The following AVL9 variants were observed in gnomAD, a reference collection of about 807,000 sequenced individuals.
The protein encoded by AVL9 is AVL9 cell migration associated, also known as late secretory pathway protein AVL9 homolog.
A neutral mutation model predicts 79.2 loss-of-function variants in AVL9; 49 were observed. The ratio of observed to expected loss-of-function variants is 0.62; its 90% confidence interval spans 0.49 to 0.79. The LOEUF is 0.79. AVL9 is among the 30% of genes least tolerant of loss of function. The probability of loss-of-function intolerance (pLI) is 0.00; values close to 1 mark genes in which losing one functional copy is unlikely to be tolerated. For synonymous variants in AVL9, 299 were observed against 280.6 expected, an observed-to-expected ratio of 1.07 and a Z score of -0.65; for missense variants, 682 against 776.8, an observed-to-expected ratio of 0.88 and a Z score of 1.45.
In AVL9 at chr7:32,502,515, A is replaced by T. The variant is rs142436187; in HGVS notation, c.93+6713A>T. 7.2e-3 allele frequency among the ~76,000 whole-genome samples: 1,098 copies of T among 152,144 alleles called. 10 individuals are homozygous for T. Among genetic ancestry groups the T allele is most frequent in the South Asian group, 0.019 (91 of 4,820 alleles). ...TTAGTAAATAATTGAATTATATTTT[A>T]AAATTGCTAAATAGTATTTTGTAGA... is the stretch of plus-strand genomic sequence containing the variant. On this transcript the variant is annotated intron_variant, in intron 1 of 15. Transcript: ENST00000318709.
At chr7:32,530,916 A>G (rs1024203564) in intron 1 of AVL9, among the ~76,000 whole-genome samples, 8 of 152,184 alleles carry the variant, frequency 5.3e-5, no homozygotes, top group Admixed American at 4.6e-4. Context: ...AGATCATGCC[A>G]CTGCACTCCA....
rs70992731 is a variant in AVL9, at chr7:32,566,180, A to ATCTTTTTTTTTTTTTTTTTTTTTTTTTTT, written c.1216-3839_1216-3838insCTTTTTTTTTTTTTTTTTTTTTTTTTTTT. On this transcript the variant is annotated intron_variant, in intron 10 of 15. Transcript: ENST00000318709. ...TAAAAAAATTTTAATTATTATTATT[A>ATCTTTTTTTTTTTTTTTTTTTTTTTTTTT]TTTTTTTTTTTTGGAGACAAGGTCT... Among the ~76,000 whole-genome samples, 9 of 93,878 alleles carry ATCTTTTTTTTTTTTTTTTTTTTTTTTTTT rather than the reference A, an allele frequency of 9.6e-5. 3 individuals carry two copies. Among genetic ancestry groups the ATCTTTTTTTTTTTTTTTTTTTTTTTTTTT allele is most frequent in the African/African-American group, 1.2e-4 (3 of 24,064 alleles). 61.6% of individuals were successfully genotyped at this position (93,878 alleles called of 152,430 possible).
At chr7:32,555,114 G>A (rs953234762) in intron 8 of AVL9, among the ~76,000 whole-genome samples, 9 of 152,174 alleles carry the variant, frequency 5.9e-5, no homozygotes, top group African/African-American at 2.2e-4. Context: ...TGAAGCAGGA[G>A]GATCACTTGC....
intron 1 of AVL9, among the ~76,000 whole-genome samples, chr7:32,539,586 G>T (rs145564449): frequency 1.1e-4 from 17 of 152,312 alleles, no homozygotes; most frequent in African/African-American, 4.1e-4. Flanking sequence ...TGGTTAGGGT[G>T]CCTCTGACAC....
chr7:32,526,910 C>G (rs926332016), intron 1 of AVL9, among the ~76,000 whole-genome samples: 1 of 152,148 alleles, frequency 6.6e-6, no homozygotes, highest in Admixed American at 6.5e-5. Flanking sequence ...CAGGCTCCTC[C>G]CCACTGCGGC....
chr7:32,517,809 G>GTT (rs1787970381), intron 1 of AVL9, among the ~76,000 whole-genome samples: 2 of 78,810 alleles, frequency 2.5e-5, no homozygotes, highest in African/African-American at 1.0e-4. Flanking sequence ...CTTTGCTTGT[G>GTT]TGTTTTTTTT....
At chr7:32,553,676 G>T in intron 6 of AVL9, 51 bp from the exon 7 acceptor site, 1 of 1,423,638 alleles carries the variant, frequency 7.0e-7, no homozygotes. Flanking sequence ...CCTTTCTGCA[G>T]CAAAAACATT....
intron 15 of AVL9, 133 bp downstream of exon 15, chr7:32,581,023 A>G (rs1281528415): frequency 1.3e-6 from 1 of 768,494 alleles, no homozygotes; most frequent in Middle Eastern, 2.5e-4. Flanking sequence ...AGAGTTTTTT[A>G]AATTTTTGTC....
chr7:32,528,908 G>C (rs1163474139), intron 1 of AVL9, among the ~76,000 whole-genome samples: 5 of 152,106 alleles, frequency 3.3e-5, no homozygotes, highest in African/African-American at 1.2e-4. Flanking sequence ...TAGTCGGGAG[G>C]CTGAGGCAGG....
In AVL9 at chr7:32,508,109, A is replaced by G. The variant is rs1445423209; in HGVS notation, c.93+12307A>G. ...TATTTGTTGAAGTTCTTTTTATATT[A>G]TTGAAAAAAGCCATTTAAGACTTAT... On this transcript the variant is annotated intron_variant, in intron 1 of 15. Transcript: ENST00000318709. Among the ~76,000 whole-genome samples, 5 of 152,074 alleles carry G rather than the reference A, an allele frequency of 3.3e-5. No homozygotes were observed. In the East Asian group the frequency reaches 7.7e-4, roughly 23 times the overall value.
rs1033484123 is a variant in AVL9, at chr7:32,545,495, A to C, written c.300+716A>C. Among the ~76,000 whole-genome samples, 5 of 144,634 alleles carry C rather than the reference A, an allele frequency of 3.5e-5. No individual in the cohort carries two copies. The East Asian group carries it at 8.1e-4, about 24-fold the overall frequency. 94.9% of individuals were successfully genotyped at this position (144,634 alleles called of 152,430 possible). Reference sequence around the variant, plus strand: ...AGCCCTCCTCCCATCTCAGACTCCCAAGTAGCTGGGATACAGGTGTGTGCC... The same window carrying C: ...AGCCCTCCTCCCATCTCAGACTCCCCAGTAGCTGGGATACAGGTGTGTGCC... On this transcript the variant is annotated intron_variant, in intron 3 of 15. Coordinates refer to ENST00000318709, the MANE Select transcript of AVL9 (RefSeq NM_015060.3).
At chr7:32,573,063 T>TA in intron 11 of AVL9, 136 bp from the exon 12 acceptor site, 1 of 652,520 alleles carries the variant, frequency 1.5e-6, no homozygotes, top group Non-Finnish European at 2.6e-6. Context: ...ACCTCTTTCT[T>TA]AGACTCACCT....
At position 32,552,369 on chromosome 7, in the gene AVL9, A is replaced by G. The variant is rs545564180; in HGVS notation, c.529+74A>G. 6.9e-5 allele frequency: 61 copies of G among 885,122 alleles called. No homozygotes were observed. The South Asian group carries it at 8.6e-4, about 12-fold the overall frequency. The allele number at this position is 885,122 out of a possible 1,614,324, so 54.8% of individuals were successfully genotyped here. ...TTTAGCAAACTGAGTTGCGTGTAAA[A>G]CTTTGATTAGAATTACATCTCTATA... On this transcript the variant is annotated intron_variant, in intron 6 of 15. Transcript: ENST00000318709.
rs369858289 is a variant in AVL9 at position 32,553,718 on chromosome 7, A to G, written c.530-9A>G. The G allele has an allele frequency of 1.9e-6, 3 of 1,606,708 alleles. No homozygotes were observed. The highest frequency in any genetic ancestry group is 2.7e-5 in the African/African-American group (2 of 74,722). ...TAGTCACACTTGAGCTTTTTTGTTAACATTGTAGGTCTGTCACCTCGAGAT... is the reference window on the plus strand; with the variant it reads ...TAGTCACACTTGAGCTTTTTTGTTAGCATTGTAGGTCTGTCACCTCGAGAT... On this transcript the variant is annotated splice_polypyrimidine_tract_variant and intron_variant, in intron 6 of 15. Coordinates refer to ENST00000318709, the MANE Select transcript of AVL9 (RefSeq NM_015060.3).
chr7:32,523,480 CAT>C (rs1788258101), intron 1 of AVL9, among the ~76,000 whole-genome samples: 1 of 143,772 alleles, frequency 7.0e-6, no homozygotes, highest in Admixed American at 7.0e-5. Context: ...ACATTAAAAA[CAT>C]ACATGTTAAT....
rs770906526 is a variant in AVL9 at position 32,580,267 on chromosome 7, C to A, written c.1737C>A (p.Phe579Leu). Residue 579 changes from phenylalanine (F) to leucine (L), a missense_variant, in exon 14 of 16, where the codon TTC becomes TTA. Transcript: ENST00000318709. ...QYSVSDMKLR[F>L]SHSVQNSERG... Reference sequence around the variant, plus strand: ...CAGTATCAGACATGAAGTTAAGGTTCTCACAGTAAGTACTTAGAGAAAATA... The same window carrying A: ...CAGTATCAGACATGAAGTTAAGGTTATCACAGTAAGTACTTAGAGAAAATA... 1 of 1,610,060 alleles carries A rather than the reference C, an allele frequency of 6.2e-7. No homozygotes were observed. The highest frequency in any genetic ancestry group is 2.2e-5 in the East Asian group (1 of 44,628).
intron 1 of AVL9, among the ~76,000 whole-genome samples, chr7:32,527,228 C>T (rs1265016095): frequency 6.6e-6 from 1 of 152,126 alleles, no homozygotes; most frequent in East Asian, 1.9e-4. Flanking sequence ...TAAATAATTT[C>T]CTGCTTCCTG....
chr7:32,553,638 ACC>A, intron 6 of AVL9, 87 bp from the exon 7 acceptor site: 1 of 895,258 alleles, frequency 1.1e-6, no homozygotes, highest in African/African-American at 1.7e-5. Flanking sequence ...TTTTTTTTTA[ACC>A]TTTCTTTCTG....
chr7:32,553,635 TTA>T (rs1436594734), intron 6 of AVL9, 90 bp from the exon 7 acceptor site: 4 of 887,514 alleles, frequency 4.5e-6, no homozygotes, highest in Admixed American at 2.3e-5. Flanking sequence ...TTTTTTTTTT[TTA>T]ACCTTTCTTT....
Sources: allele counts gnomAD v4.1 joint callset (sites outside exome capture counted in the v4.1 genomes callset), GRCh38; gene constraint gnomAD v4.1.1; transcripts MANE v1.5; gene names NCBI Gene and HGNC (gene_info 2026-07-23, HGNC 2026-07-21).